The following MEF2C variants were observed in gnomAD, a reference collection of about 807,000 sequenced individuals.
MEF2C encodes the protein myocyte-specific enhancer factor 2C.
Under a neutral mutation model 50.5 loss-of-function variants are expected in MEF2C, and 6 were observed. The observed-to-expected ratio is 0.12, with a 90% CI of 0.07 to 0.23. The LOEUF is 0.23. MEF2C is among the 10% of genes least tolerant of loss of function. The pLI is 1.00. For missense variants in MEF2C, 276 were observed against 605.0 expected (o/e 0.46, Z 5.70); for synonymous variants, 183 against 228.0 (o/e 0.80, Z 1.78).
chr5:88,872,494 G>C (rs1829819712), intron 1 of MEF2C, among the ~76,000 whole-genome samples: 1 of 151,948 alleles, frequency 6.6e-6, no homozygotes. Context: ...TTAGATACTT[G>C]CTCTGAATGT....
chr5:88,836,557 T>G (rs555060857), intron 1 of MEF2C, among the ~76,000 whole-genome samples: 1 of 152,208 alleles, frequency 6.6e-6, no homozygotes, highest in African/African-American at 2.4e-5. Context: ...AGAGGTGTTC[T>G]CAGACGAGCA....
intron 2 of MEF2C, among the ~76,000 whole-genome samples, chr5:88,809,404 A>G (rs1379468051): frequency 6.6e-6 from 1 of 152,174 alleles, no homozygotes; most frequent in Non-Finnish European, 1.5e-5. Flanking sequence ...ATGCTAAGCA[A>G]TATTTATTGA....
intron 1 of MEF2C, among the ~76,000 whole-genome samples, chr5:88,891,006 CA>C (rs1834477416): frequency 6.6e-6 from 1 of 152,156 alleles, no homozygotes; most frequent in Admixed American, 6.5e-5. Context: ...AAATTTTAGG[CA>C]AGAGTACCCT....
intron 3 of MEF2C, among the ~76,000 whole-genome samples, chr5:88,775,366 G>A (rs1346783291): frequency 6.6e-6 from 1 of 152,152 alleles, no homozygotes; most frequent in Non-Finnish European, 1.5e-5. Flanking sequence ...ATTGCTCGGA[G>A]AGGACACGAG....
chr5:88,737,661 G>A (rs1029135058), intron 6 of MEF2C: 6 of 985,266 alleles, frequency 6.1e-6, no homozygotes, highest in Non-Finnish European at 7.2e-6. Flanking sequence ...AGATGGTTCA[G>A]AGAGAGGCTT....
chr5:88,768,665 A>G, intron 3 of MEF2C: 1 of 984,920 alleles, frequency 1.0e-6, no homozygotes, highest in Non-Finnish European at 1.2e-6. Flanking sequence ...ACTGAAATGA[A>G]TAGATGAACA....
In MEF2C at chr5:88,719,366, C is replaced by G. The variant is rs185173418; in HGVS notation, c.*3238G>C. On this transcript the variant is annotated 3_prime_UTR_variant, in exon 11 of 11. Coordinates refer to ENST00000504921, the MANE Select transcript of MEF2C (RefSeq NM_002397.5). ...AAAAGGTTGAAATAAACAGCCTCCACGCAGCAATGCATACAATATACAGGT... is the reference window on the plus strand; with the variant it reads ...AAAAGGTTGAAATAAACAGCCTCCAGGCAGCAATGCATACAATATACAGGT... The G allele has an allele frequency of 9.2e-5, 14 of 152,284 alleles. No homozygotes were observed. Among genetic ancestry groups the G allele is most frequent in the African/African-American group, 3.4e-4 (14 of 41,562 alleles). 9.4% of individuals were successfully genotyped at this position (152,284 alleles called of 1,614,324 possible). A position where few individuals can be genotyped will look rare whatever the true frequency, so the allele number is the denominator to read the frequency against.
intron 1 of MEF2C, among the ~76,000 whole-genome samples, chr5:88,863,945 C>T (rs1021572099): frequency 6.6e-6 from 1 of 151,962 alleles, no homozygotes; most frequent in African/African-American, 2.4e-5. Context: ...CCTCAGCCTC[C>T]TGAGTGGCAG....
At position 88,775,006 on chromosome 5, in the gene MEF2C, G is replaced by A. The variant is rs76620198; in HGVS notation, c.259-13678C>T. ...GGGCAGGTCTGTGCCTTGTGTCGGG[G>A]TATCCTTAGTACCTGGCAGAGTACT... On this transcript the variant is annotated intron_variant, in intron 3 of 10. Coordinates refer to ENST00000504921, the MANE Select transcript of MEF2C (RefSeq NM_002397.5). Among the ~76,000 whole-genome samples, 46 of 152,322 alleles carry A rather than the reference G, an allele frequency of 3.0e-4. 1 individual carries two copies. The East Asian group carries it at 8.7e-3, about 29-fold the overall frequency.
chr5:88,894,571 T>C (rs1467856822), intron 1 of MEF2C, among the ~76,000 whole-genome samples: 1 of 152,218 alleles, frequency 6.6e-6, no homozygotes, highest in Admixed American at 6.5e-5. Context: ...TCATTAAGGA[T>C]GAATTTTTTC....
At chr5:88,801,878 T>C (rs553441453) in intron 3 of MEF2C, among the ~76,000 whole-genome samples, 2 of 152,312 alleles carry the variant, frequency 1.3e-5, no homozygotes, top group East Asian at 3.9e-4. Flanking sequence ...TGCAGCACTT[T>C]GAAAAATATT....
chr5:88,762,865 A>T (rs1462753757), intron 3 of MEF2C, among the ~76,000 whole-genome samples: 5 of 152,320 alleles, frequency 3.3e-5, no homozygotes, highest in Admixed American at 2.0e-4. Flanking sequence ...CAAGCTAAGG[A>T]ATTCAAAGCT....
chr5:88,749,474 T>C (rs1199141506), intron 5 of MEF2C: 4 of 984,876 alleles, frequency 4.1e-6, no homozygotes, highest in African/African-American at 3.5e-5. Context: ...TGACCTCACA[T>C]TTGATGTTTA....
At chr5:88,767,919 C>T (rs1303551206) in intron 3 of MEF2C, among the ~76,000 whole-genome samples, 2 of 152,170 alleles carry the variant, frequency 1.3e-5, no homozygotes, top group African/African-American at 4.8e-5. Flanking sequence ...AAGCATCATC[C>T]GGCCCTTCCT....
rs532425902 is a variant in MEF2C at position 88,778,025 on chromosome 5, C to T, written c.259-16697G>A. Among the ~76,000 whole-genome samples the T allele has an allele frequency of 3.3e-5, 5 of 151,712 alleles. No homozygotes were observed. In the South Asian group the frequency reaches 1.0e-3, roughly 32 times the overall value. ...GTTCACGCCATTCTCCCACCTCAGC[C>T]TCCTGAGTAGCTGGGACTACAGATG... On this transcript the variant is annotated intron_variant, in intron 3 of 10. Coordinates refer to ENST00000504921, the MANE Select transcript of MEF2C (RefSeq NM_002397.5).
At chr5:88,818,319 T>C (rs1004250766) in intron 2 of MEF2C, among the ~76,000 whole-genome samples, 4 of 151,958 alleles carry the variant, frequency 2.6e-5, no homozygotes, top group African/African-American at 9.7e-5. Flanking sequence ...TTTTTAAACC[T>C]TTGCATATAT....
At chr5:88,724,541 GT>G (rs1757787242) in intron 10 of MEF2C, among the ~76,000 whole-genome samples, 2 of 152,066 alleles carry the variant, frequency 1.3e-5, no homozygotes, top group South Asian at 4.1e-4. Context: ...AATCAAAGCA[GT>G]GTTAGCATTT....
In MEF2C at chr5:88,795,139, T is replaced by G. The variant is rs552201494; in HGVS notation, c.258+9459A>C. ...TTGGCTATACGGGCTCTTTTTTGGT[T>G]CCATATGAAATTTAAAGTAGTTTTT... On this transcript the variant is annotated intron_variant, in intron 3 of 10. Coordinates refer to ENST00000504921, the MANE Select transcript of MEF2C (RefSeq NM_002397.5). Among the ~76,000 whole-genome samples the G allele has an allele frequency of 5.9e-5, 9 of 152,290 alleles. No individual in the cohort carries two copies. In the South Asian group the frequency reaches 1.9e-3, roughly 32 times the overall value.
In MEF2C at chr5:88,804,011, TATATTAACA is replaced by T. The variant is rs553478723; in HGVS notation, c.258+578_258+586del. On this transcript the variant is annotated intron_variant, in intron 3 of 10. Transcript: ENST00000504921. ...TTTTCATCTGATTTCTGATTCCATG[TATATTAACA>T]GTTTTCATTGATATATATAATGATA... 2.6e-5 allele frequency among the ~76,000 whole-genome samples: 4 copies of T among 152,346 alleles called. No homozygotes were observed. In the East Asian group the frequency reaches 7.7e-4, roughly 29 times the overall value.
Sources: allele counts gnomAD v4.1 joint callset (sites outside exome capture counted in the v4.1 genomes callset), GRCh38; gene constraint gnomAD v4.1.1; transcripts MANE v1.5; gene names NCBI Gene and HGNC (gene_info 2026-07-23, HGNC 2026-07-21).